Variants in RYR2 observed in about 807,000 individuals in gnomAD.
RYR2 encodes cardiac muscle ryanodine receptor-calcium release channel.
RYR2 carries 227 observed loss-of-function variants against 601.1 expected under a neutral mutation model. The observed-to-expected ratio is 0.38, with a 90% CI of 0.34 to 0.42. The LOEUF (loss-of-function observed/expected upper bound fraction) is 0.42, where lower values mean the gene tolerates loss of function less well. Among genes scored for constraint, RYR2 ranks in the 10% least tolerant of loss-of-function variants. RYR2 has a pLI of 1.00. For missense variants in RYR2, 4,646 were observed against 6,156.5 expected, an observed-to-expected ratio of 0.75 and a Z score of 8.21; for synonymous variants, 2,223 against 2,175.1, an observed-to-expected ratio of 1.02 and a Z score of -0.61.
At chr1:237,052,996 C>A (rs536094356) in intron 1 of RYR2, among the ~76,000 whole-genome samples, 38 of 152,074 alleles carry the variant, frequency 2.5e-4, no homozygotes, top group South Asian at 1.7e-3. Context: ...TTACAGGTGC[C>A]CGCCACCATG....
rs548599041 is a variant in RYR2, at chr1:237,696,420, T to C, written c.9068-2545T>C. Among the ~76,000 whole-genome samples, 5 of 152,232 alleles carry C rather than the reference T, an allele frequency of 3.3e-5. No homozygotes were observed. In the South Asian group the frequency reaches 6.2e-4, roughly 19 times the overall value. On this transcript the variant is annotated intron_variant, in intron 63 of 104. Transcript: ENST00000366574. ...AACACTGGAGGCCCTAGGCCTTTTT[T>C]CTTCTTACTTATATTCATGCTGGCT...
chr1:237,176,789 T>C (rs1293237529), intron 1 of RYR2, among the ~76,000 whole-genome samples: 1 of 152,196 alleles, frequency 6.6e-6, no homozygotes, highest in Non-Finnish European at 1.5e-5. Flanking sequence ...TTTGATACAG[T>C]TGGTAACCTT....
At position 237,366,674 on chromosome 1, in the gene RYR2, T is replaced by TCACACACA. The variant is rs56679247; in HGVS notation, c.309+2330_309+2337dup. 5.1e-3 allele frequency among the ~76,000 whole-genome samples: 742 copies of TCACACACA among 144,902 alleles called. 5 individuals carry two copies. Among genetic ancestry groups the TCACACACA allele is most frequent in the African/African-American group, 0.016 (643 of 39,292 alleles). On this transcript the variant is annotated intron_variant, in intron 5 of 104. Transcript: ENST00000366574. The stretch of plus-strand genomic sequence containing the variant: ...TTAATGTGTGTGTAAACCTCTTTAG[T>TCACACACA]CACACACACACACACACACACACAC...
At chr1:237,567,952 T>G (rs940126551) in intron 28 of RYR2, among the ~76,000 whole-genome samples, 3 of 148,518 alleles carry the variant, frequency 2.0e-5, no homozygotes, top group Admixed American at 6.8e-5. Flanking sequence ...ATAGAAAAAT[T>G]TAACACTTTT....
At chr1:237,682,747 G>C (rs1473650069) in intron 62 of RYR2, among the ~76,000 whole-genome samples, 1 of 152,040 alleles carries the variant, frequency 6.6e-6, no homozygotes, top group Non-Finnish European at 1.5e-5. Context: ...TCTACTAATA[G>C]AAAAAGCGTT....
At chr1:237,422,324 T>C (rs1474476526) in intron 11 of RYR2, among the ~76,000 whole-genome samples, 1 of 152,216 alleles carries the variant, frequency 6.6e-6, no homozygotes, top group Non-Finnish European at 1.5e-5. Context: ...ATCAGATCAA[T>C]TAGCATATCC....
Position 237,206,385 on chromosome 1 carries a change from G to C in RYR2, c.49-64112G>C, listed in dbSNP as rs77484889. Among the ~76,000 whole-genome samples, 110 of 152,326 alleles carry C rather than the reference G, an allele frequency of 7.2e-4. 1 individual carries two copies. The highest frequency in any genetic ancestry group is 2.2e-3 in the African/African-American group (90 of 41,570). ...TTACTTTAGGTACCATTTATTAATTGAAACTGAAATTGTTCTTAGTGAAGT... is the reference window on the plus strand; with the variant it reads ...TTACTTTAGGTACCATTTATTAATTCAAACTGAAATTGTTCTTAGTGAAGT... On this transcript the variant is annotated intron_variant, in intron 1 of 104. Transcript: ENST00000366574.
At chr1:237,199,040 A>C (rs773204349) in intron 1 of RYR2, among the ~76,000 whole-genome samples, 4 of 152,148 alleles carry the variant, frequency 2.6e-5, no homozygotes, top group Non-Finnish European at 4.4e-5. Context: ...CAATTTGATA[A>C]ATGCAAACTT....
intron 21 of RYR2, among the ~76,000 whole-genome samples, chr1:237,502,355 A>G (rs1324537858): frequency 6.6e-6 from 1 of 152,220 alleles, no homozygotes; most frequent in Non-Finnish European, 1.5e-5. Flanking sequence ...ATTGATAAAC[A>G]ATTAGCGATA....
At chr1:237,419,192 A>G (rs1004845674) in intron 11 of RYR2, among the ~76,000 whole-genome samples, 4 of 152,026 alleles carry the variant, frequency 2.6e-5, no homozygotes, top group African/African-American at 7.2e-5. Context: ...AAACAGATTG[A>G]ATATGTGTTT....
chr1:237,640,495 A>G (rs1215447610), intron 46 of RYR2, among the ~76,000 whole-genome samples: 1 of 152,118 alleles, frequency 6.6e-6, no homozygotes, highest in African/African-American at 2.4e-5. Context: ...CTTACATGTG[A>G]CCTTGTATGC....
At chr1:237,523,713 G>A (rs1667309234) in intron 24 of RYR2, among the ~76,000 whole-genome samples, 1 of 151,136 alleles carries the variant, frequency 6.6e-6, no homozygotes. Flanking sequence ...CTCCTGCCTG[G>A]GTGGCAGAGC....
chr1:237,688,939 T>G (rs1244170113), intron 63 of RYR2, among the ~76,000 whole-genome samples: 4 of 152,184 alleles, frequency 2.6e-5, no homozygotes, highest in African/African-American at 9.7e-5. Context: ...AAAATTTTTT[T>G]GAGGTATTCC....
At chr1:237,652,378 G>A (rs1024035717) in intron 51 of RYR2, among the ~76,000 whole-genome samples, 1 of 152,026 alleles carries the variant, frequency 6.6e-6, no homozygotes, top group South Asian at 2.1e-4. Flanking sequence ...TCTAGACTCA[G>A]AATATAGAAT....
At chr1:237,383,483 A>G (rs533687867) in intron 8 of RYR2, among the ~76,000 whole-genome samples, 55 of 120,652 alleles carry the variant, frequency 4.6e-4, no homozygotes, top group African/African-American at 1.2e-3. Flanking sequence ...AGGCTGGAGT[A>G]CAGGGGCACG....
chr1:237,625,834 T>C, intron 40 of RYR2, 30 bp downstream of exon 40: 1 of 1,608,482 alleles, frequency 6.2e-7, no homozygotes. Flanking sequence ...ACTGGCAGAA[T>C]GACCCAACTG....
chr1:237,591,593 A>G, intron 31 of RYR2, 146 bp from the exon 32 acceptor site: 1 of 661,764 alleles, frequency 1.5e-6, no homozygotes. Context: ...GTGAGAACCA[A>G]AAACATGTAT....
chr1:237,526,885 ACT>A (rs1179241975), intron 24 of RYR2, among the ~76,000 whole-genome samples: 1 of 152,042 alleles, frequency 6.6e-6, no homozygotes, highest in Non-Finnish European at 1.5e-5. Flanking sequence ...TTTATCATAA[ACT>A]CTACCTAGGC....
At chr1:237,420,616 T>G (rs935245771) in intron 11 of RYR2, among the ~76,000 whole-genome samples, 1 of 152,184 alleles carries the variant, frequency 6.6e-6, no homozygotes, top group African/African-American at 2.4e-5. Flanking sequence ...ACTTAGACTA[T>G]GCAGTGGTTT....
Sources: gnomAD v4.1 joint callset for allele counts (sites outside exome capture counted in the v4.1 genomes callset) on GRCh38, gnomAD v4.1.1 for gene constraint, MANE v1.5 for transcripts, NCBI Gene and HGNC (gene_info 2026-07-23, HGNC 2026-07-21) for gene names.